The following VASP variants were observed in gnomAD, a reference collection of about 807,000 sequenced individuals.
VASP encodes vasodilator stimulated phosphoprotein.
VASP carries 27 observed loss-of-function variants against 54.4 expected under a neutral mutation model. That is an observed-to-expected ratio of 0.50 (90% CI 0.37 to 0.68). The LOEUF (loss-of-function observed/expected upper bound fraction) is 0.68. Among genes scored for constraint, VASP ranks in the 30% least tolerant of loss-of-function variants. The pLI, the probability that VASP is intolerant of heterozygous loss-of-function variation, is 0.00. For synonymous variants in VASP, 233 were observed against 209.8 expected, an observed-to-expected ratio of 1.11 and a Z score of -0.96; for missense variants, 488 against 528.3, an observed-to-expected ratio of 0.92 and a Z score of 0.75.
At chr19:45,524,509 GC>G in intron 10 of VASP, 60 bp from the exon 11 acceptor site, 1 of 1,509,206 alleles carries the variant, frequency 6.6e-7, no homozygotes, top group Non-Finnish European at 9.2e-7. Flanking sequence ...GGAATAGGAG[GC>G]GGGGAAGCAG....
chr19:45,512,761 G>A (rs1968626053), intron 1 of VASP, among the ~76,000 whole-genome samples: 1 of 151,828 alleles, frequency 6.6e-6, no homozygotes, highest in South Asian at 2.1e-4. Flanking sequence ...CACCACGCCT[G>A]GCTAATTTTT....
chr19:45,521,285 G>C, intron 3 of VASP, 37 bp from the exon 4 acceptor site: 1 of 1,531,648 alleles, frequency 6.5e-7, no homozygotes, highest in Non-Finnish European at 8.9e-7. Flanking sequence ...GCAGAGTTCT[G>C]GGACTGATCC....
In VASP at chr19:45,507,518, G is replaced by C. The variant is rs1446147648; in HGVS notation, c.-254G>C. 7.9e-6 allele frequency: 4 copies of C among 504,256 alleles called. No individual in the cohort carries two copies. The highest frequency in any genetic ancestry group is 1.4e-5 in the Non-Finnish European group (4 of 285,910). 31.2% of individuals were successfully genotyped at this position (504,256 alleles called of 1,614,324 possible). A position where few individuals can be genotyped will look rare whatever the true frequency, so the allele number is the denominator to read the frequency against. On this transcript the variant is annotated 5_prime_UTR_variant, in exon 1 of 13. Transcript: ENST00000245932. This position sits in a 1 kb window ranked among gnomAD's most constrained non-coding sequence, Gnocchi z 4.4. Reference sequence around the variant, plus strand: ...AACACTGTAGCCGCCACCGGCAAGGGGTGCGCGCTGGGGAGCGGACGCTGC... The same window carrying C: ...AACACTGTAGCCGCCACCGGCAAGGCGTGCGCGCTGGGGAGCGGACGCTGC...
At chr19:45,513,989 G>A (rs994927856) in intron 1 of VASP, among the ~76,000 whole-genome samples, 7 of 152,310 alleles carry the variant, frequency 4.6e-5, no homozygotes, top group East Asian at 1.9e-4. Context: ...TTTTGGCAGC[G>A]GAGACAGACA....
rs1486400997 is a variant in VASP at position 45,522,146 on chromosome 19, GCT to G, written c.429-16_429-15del. On this transcript the variant is annotated intron_variant, in intron 4 of 12. Coordinates refer to ENST00000245932, the MANE Select transcript of VASP (RefSeq NM_003370.4). ...ATCCTTAGGGCCCTGATTGACGGCA[GCT>G]CTCTCGCCTCCCCCCACAGGCAGCA... 1.5e-5 allele frequency: 25 copies of G among 1,613,148 alleles called. No individual in the cohort carries two copies. Among genetic ancestry groups the G allele is most frequent in the Non-Finnish European group, 2.0e-5 (24 of 1,180,006 alleles).
chr19:45,512,856 C>A (rs140624651), intron 1 of VASP, among the ~76,000 whole-genome samples: 3,221 of 152,304 alleles, frequency 0.021, 60 homozygotes, highest in Non-Finnish European at 0.035. Context: ...GCCTTGGCCT[C>A]CCAAAGTGCT....
chr19:45,525,654 G>A (rs1257277278), intron 11 of VASP: 3 of 236,712 alleles, frequency 1.3e-5, no homozygotes, highest in Non-Finnish European at 2.5e-5. Context: ...GCCGAGATTG[G>A]GCCACTGCAC....
In VASP at chr19:45,507,592, G is replaced by C. The variant is rs1255767660; in HGVS notation, c.-180G>C. ...TCTCATCAGACCGCCTGAGGGAAGC[G>C]GCGCCCGGAGACCCGCCCCGGCCCG... is the stretch of plus-strand genomic sequence containing the variant. On this transcript the variant is annotated 5_prime_UTR_variant, in exon 1 of 13. Coordinates refer to ENST00000245932, the MANE Select transcript of VASP (RefSeq NM_003370.4). The surrounding 1 kb of genome is among the most constrained non-coding windows in gnomAD (Gnocchi z 4.4). 4 of 661,172 alleles carry C rather than the reference G, an allele frequency of 6.0e-6. No individual in the cohort carries two copies. Among genetic ancestry groups the C allele is most frequent in the Non-Finnish European group, 9.6e-6 (4 of 417,366 alleles). The allele number at this position is 661,172 out of a possible 1,614,324, so 41.0% of individuals were successfully genotyped here.
intron 7 of VASP, 67 bp downstream of exon 7, chr19:45,522,885 G>A (rs1599940408): frequency 6.9e-7 from 1 of 1,454,436 alleles, no homozygotes; most frequent in Non-Finnish European, 9.3e-7. Flanking sequence ...TCAGAGGAGG[G>A]CTCCAATTCC....
At position 45,517,670 on chromosome 19, in the gene VASP, G is replaced by A; in HGVS notation, c.13G>A (p.Val5Ile). Residue 5 changes from valine to isoleucine, a missense_variant, in exon 2 of 13, where the codon GTC becomes ATC. Around this residue, in one of 4 missense-constraint regions of VASP, gnomAD observed 127 missense variants for 170.7 expected, o/e 0.74. Coordinates refer to ENST00000245932, the MANE Select transcript of VASP (RefSeq NM_003370.4). ...TTTTCCTCCCGCCTGCAGCGAGACG[G>A]TCATCTGTTCCAGCCGGGCCACTGT... Reference protein sequence around the residue: MSETVICSSRATVML... With the variant: MSETIICSSRATVML... 6.2e-7 allele frequency: 1 copy of A among 1,608,482 alleles called. No homozygotes were observed.
At chr19:45,524,760 C>G in intron 11 of VASP, 100 bp downstream of exon 11, 6 of 1,208,084 alleles carry the variant, frequency 5.0e-6, no homozygotes, top group South Asian at 1.3e-5. Context: ...TCAGAAACCT[C>G]AGGTTTCCAA....
chr19:45,511,647 C>T (rs116357998), intron 1 of VASP, among the ~76,000 whole-genome samples: 8,418 of 152,152 alleles, frequency 0.055, 313 homozygotes, highest in South Asian at 0.099. Context: ...TCACAGCCCC[C>T]GCACCCCCGT....
intron 7 of VASP, among the ~76,000 whole-genome samples, chr19:45,523,189 AAT>A (rs1568390477): frequency 8.4e-5 from 9 of 106,968 alleles, no homozygotes; most frequent in East Asian, 3.4e-4. Context: ...CAATCTCTTG[AAT>A]TTTTTTTTTT....
At position 45,522,404 on chromosome 19, in the gene VASP, TC is replaced by T. The variant is rs762759767; in HGVS notation, c.551del (p.Pro184HisfsTer84). Reference protein sequence around the residue: ...PPPGPPPPPGPPPPPGLPPSG... With the variant: ...PPPGPPPPPGXPPPPGLPPSG... ...CACCAGGACCTCCCCCTCCTCCAGG[TC>T]CCCCCCCACCCCCAGGTTTGCCCCC... On this transcript the variant is annotated frameshift_variant, in exon 6 of 13. Transcript: ENST00000245932. LOFTEE classifies it high-confidence loss of function. 1.5e-5 allele frequency: 23 copies of T among 1,489,788 alleles called. No homozygotes were observed. Among genetic ancestry groups the T allele is most frequent in the African/African-American group, 8.5e-5 (6 of 70,854 alleles). The allele number at this position is 1,489,788 out of a possible 1,614,324, so 92.3% of individuals were successfully genotyped here.
intron 1 of VASP, among the ~76,000 whole-genome samples, chr19:45,509,043 G>C (rs1275943818): frequency 2.0e-5 from 3 of 152,182 alleles, no homozygotes; most frequent in Non-Finnish European, 4.4e-5. Context: ...CCTGAGCAGG[G>C]AGGCCCCTGG....
At chr19:45,512,969 C>T (rs1231531330) in intron 1 of VASP, among the ~76,000 whole-genome samples, 1 of 152,170 alleles carries the variant, frequency 6.6e-6, no homozygotes, top group African/African-American at 2.4e-5. Context: ...TTCAATTTAG[C>T]TCTGCTTCTT....
In VASP at chr19:45,507,597, C is replaced by T; in HGVS notation, c.-175C>T. 1.4e-6 allele frequency: 1 copy of T among 725,864 alleles called. No homozygotes were observed. The highest frequency in any genetic ancestry group is 2.1e-6 in the Non-Finnish European group (1 of 474,358). 45.0% of individuals were successfully genotyped at this position (725,864 alleles called of 1,614,324 possible). ...TCAGACCGCCTGAGGGAAGCGGCGC[C>T]CGGAGACCCGCCCCGGCCCGGTCCA... is the stretch of plus-strand genomic sequence containing the variant. On this transcript the variant is annotated 5_prime_UTR_variant, in exon 1 of 13. Transcript: ENST00000245932. The surrounding 1 kb of genome is among the most constrained non-coding windows in gnomAD (Gnocchi z 4.4).
At chr19:45,525,695 CAAAA>C in intron 11 of VASP, 1 of 321,740 alleles carries the variant, frequency 3.1e-6, no homozygotes, top group Non-Finnish European at 5.7e-6. Flanking sequence ...GACTCTGTTT[CAAAA>C]AAAAAAAGAA....
intron 3 of VASP, among the ~76,000 whole-genome samples, chr19:45,519,894 C>CCT (rs1472794089): frequency 5.9e-5 from 3 of 50,990 alleles, no homozygotes; most frequent in East Asian, 4.7e-4. Context: ...TGCGCCCGGC[C>CCT]TTTTTTTTTT....
Sources: gnomAD v4.1 joint callset for allele counts (sites outside exome capture counted in the v4.1 genomes callset) on GRCh38, gnomAD v4.1.1 for gene constraint, gnomAD v4.1.1 regional missense constraint, Gnocchi (gnomAD v3.1) non-coding constraint, MANE v1.5 for transcripts, NCBI Gene and HGNC (gene_info 2026-07-23, HGNC 2026-07-21) for gene names.